ADGRF5: variants seen among roughly 807,000 people sequenced by gnomAD.
The protein encoded by ADGRF5 is adhesion G protein-coupled receptor F5.
ADGRF5 carries 75 observed loss-of-function variants against 132.3 expected under a neutral mutation model. The ratio of observed to expected loss-of-function variants is 0.57; its 90% CI spans 0.47 to 0.69. ADGRF5 has a LOEUF of 0.69. Among genes scored for constraint, ADGRF5 ranks in the 30% least tolerant of loss-of-function variants. ADGRF5 has a pLI of 0.00. For synonymous variants in ADGRF5, 629 were observed against 597.6 expected, an observed-to-expected ratio of 1.05 and a Z score of -0.77; for missense variants, 1,516 against 1,630.6, an observed-to-expected ratio of 0.93 and a Z score of 1.21.
At chr6:46,899,925 G>T (rs1774576223) in intron 3 of ADGRF5, 104 bp downstream of exon 3, 1 of 811,402 alleles carries the variant, frequency 1.2e-6, no homozygotes, top group South Asian at 1.4e-5. Flanking sequence ...TGACCCTGAT[G>T]TGATTGGAGG....
At chr6:46,886,580 G>T (rs1210057233) in intron 4 of ADGRF5, 1 of 152,204 alleles carries the variant, frequency 6.6e-6, no homozygotes, top group Non-Finnish European at 1.5e-5. Flanking sequence ...CCCAGGTATT[G>T]TTCGGTGCTT....
intron 1 of ADGRF5, among the ~76,000 whole-genome samples, chr6:46,942,509 T>G (rs930561851): frequency 6.6e-6 from 1 of 152,232 alleles, no homozygotes; most frequent in African/African-American, 2.4e-5. Context: ...TCTCTGATCC[T>G]CAGTTTTCTT....
chr6:46,943,410 T>C (rs189707019), intron 1 of ADGRF5, among the ~76,000 whole-genome samples: 2 of 152,362 alleles, frequency 1.3e-5, no homozygotes, highest in Non-Finnish European at 2.9e-5. Flanking sequence ...TCTGGGCACC[T>C]ACTTTGTGCA....
intron 1 of ADGRF5, among the ~76,000 whole-genome samples, chr6:46,913,780 C>G (rs1169446027): frequency 6.6e-6 from 1 of 152,206 alleles, no homozygotes; most frequent in Non-Finnish European, 1.5e-5. Context: ...AGCTGCTTAG[C>G]TTTCACGTCC....
At chr6:46,876,819 C>T (rs760129482) in intron 10 of ADGRF5, among the ~76,000 whole-genome samples, 5 of 152,046 alleles carry the variant, frequency 3.3e-5, no homozygotes, top group Admixed American at 6.6e-5. Flanking sequence ...TGGCCAGGCT[C>T]GTCTCCAATG....
chr6:46,928,446 G>A (rs1485361073), intron 1 of ADGRF5, among the ~76,000 whole-genome samples: 1 of 152,118 alleles, frequency 6.6e-6, no homozygotes, highest in Non-Finnish European at 1.5e-5. Context: ...TGACTGGAAG[G>A]GTGGATGTTA....
At chr6:46,933,434 C>G (rs1777661795) in intron 1 of ADGRF5, among the ~76,000 whole-genome samples, 1 of 152,162 alleles carries the variant, frequency 6.6e-6, no homozygotes, top group Non-Finnish European at 1.5e-5. Context: ...CTCCCCAGGT[C>G]CAAGTTGTGG....
At chr6:46,934,281 C>T (rs144715945) in intron 1 of ADGRF5, among the ~76,000 whole-genome samples, 1 of 152,248 alleles carries the variant, frequency 6.6e-6, no homozygotes, top group East Asian at 1.9e-4. Context: ...AGAGAGCAGC[C>T]AGCACACATA....
At position 46,881,507 on chromosome 6, in the gene ADGRF5, G is replaced by A; in HGVS notation, c.762C>T (p.Ser254=). Reference sequence around the variant, plus strand: ...AGTCCATTTTGTAGGTCTGATTGAGGCTCTGTACAACTTGTTCATTGGCTT... The same window carrying A: ...AGTCCATTTTGTAGGTCTGATTGAGACTCTGTACAACTTGTTCATTGGCTT... The part of the protein sequence containing the change: ...IHKANEQVVQ[S]LNQTYKMDYN... Residue 254 remains serine, a synonymous_variant, in exon 8 of 21, where the codon AGC becomes AGT. Coordinates refer to ENST00000283296, the MANE Select transcript of ADGRF5 (RefSeq NM_001098518.2). 1 of 1,612,992 alleles carries A rather than the reference G, an allele frequency of 6.2e-7. No individual in the cohort carries two copies. The highest frequency in any genetic ancestry group is 8.5e-7 in the Non-Finnish European group (1 of 1,178,978).
At chr6:46,906,027 G>T (rs1373854062) in intron 2 of ADGRF5, among the ~76,000 whole-genome samples, 1 of 152,186 alleles carries the variant, frequency 6.6e-6, no homozygotes, top group African/African-American at 2.4e-5. Context: ...CTGGTGCAGG[G>T]AGAAGCTAAG....
At chr6:46,869,227 T>G in intron 11 of ADGRF5, 135 bp from the exon 12 acceptor site, 1 of 1,484,398 alleles carries the variant, frequency 6.7e-7, no homozygotes. Context: ...ACTCTACTCA[T>G]GTCAAGGTAG....
chr6:46,921,059 A>T (rs1418274206), intron 1 of ADGRF5, among the ~76,000 whole-genome samples: 1 of 152,204 alleles, frequency 6.6e-6, no homozygotes, highest in Non-Finnish European at 1.5e-5. Flanking sequence ...GTTTAAGCAA[A>T]CCGCACATCA....
intron 1 of ADGRF5, among the ~76,000 whole-genome samples, chr6:46,941,954 C>G (rs1458409153): frequency 6.6e-6 from 1 of 152,182 alleles, no homozygotes; most frequent in Non-Finnish European, 1.5e-5. Flanking sequence ...GTGCTACATG[C>G]TTTTTTGCTA....
At chr6:46,867,799 G>C (rs991070366) in intron 12 of ADGRF5, among the ~76,000 whole-genome samples, 6 of 152,140 alleles carry the variant, frequency 3.9e-5, no homozygotes, top group Admixed American at 6.5e-5. Context: ...CCTGCTGCGG[G>C]GGGGAAGAGG....
At chr6:46,921,101 G>C (rs1022576830) in intron 1 of ADGRF5, among the ~76,000 whole-genome samples, 1 of 152,176 alleles carries the variant, frequency 6.6e-6, no homozygotes, top group Admixed American at 6.5e-5. Context: ...AAGTCGGCCT[G>C]GCCCTGAAGC....
chr6:46,872,369 G>C (rs555564115), intron 10 of ADGRF5, among the ~76,000 whole-genome samples: 2 of 152,214 alleles, frequency 1.3e-5, no homozygotes, highest in East Asian at 1.9e-4. Context: ...TACCTGACTG[G>C]GGCCTTCCCC....
At chr6:46,922,295 C>A (rs1015772269), upstream of ADGRF5, among the ~76,000 whole-genome samples, 1 of 152,032 alleles carries the variant, frequency 6.6e-6, no homozygotes, top group African/African-American at 2.4e-5. Context: ...TTTAGCAGTG[C>A]CAAGAAAGCA....
chr6:46,908,990 G>T (rs1364656770), intron 1 of ADGRF5: 1 of 152,118 alleles, frequency 6.6e-6, no homozygotes, highest in Non-Finnish European at 1.5e-5. Flanking sequence ...AGCTTTTGGG[G>T]TTGCTGCCAC....
intron 8 of ADGRF5, 119 bp downstream of exon 8, chr6:46,881,336 A>T (rs375415992): frequency 1.2e-6 from 1 of 802,710 alleles, no homozygotes; most frequent in Admixed American, 2.1e-5. Context: ...GTGGTACAGA[A>T]CCCCCTGTGC....
Sources: allele counts gnomAD v4.1 joint callset (sites outside exome capture counted in the v4.1 genomes callset), GRCh38; gene constraint gnomAD v4.1.1; transcripts MANE v1.5; gene names NCBI Gene and HGNC (gene_info 2026-07-23, HGNC 2026-07-21).